Variants in CRIM1 observed in about 807,000 individuals in gnomAD.
CRIM1 encodes the protein cysteine-rich motor neuron 1 protein.
Under a neutral mutation model 116.4 loss-of-function variants are expected in CRIM1, and 32 were observed. The ratio of observed to expected loss-of-function variants is 0.27; its 90% CI spans 0.21 to 0.37. The LOEUF is 0.37. CRIM1 is among the 10% of genes least tolerant of loss of function. CRIM1 has a pLI of 1.00. For synonymous variants in CRIM1, 590 were observed against 509.2 expected (o/e 1.16, Z -2.13); for missense variants, 1,331 against 1,354.8 (o/e 0.98, Z 0.28).
rs1287122530 is a variant in CRIM1, at chr2:36,550,987, AAT to A, written c.*2290_*2291del. ...TCCTGTTGTGCTCTTGTAAAAGAAAAATATAATTTCCTGAAGAATAAAATAGA... is the reference window on the plus strand; with the variant it reads ...TCCTGTTGTGCTCTTGTAAAAGAAAAATAATTTCCTGAAGAATAAAATAGA... On this transcript the variant is annotated 3_prime_UTR_variant, in exon 17 of 17. Transcript: ENST00000280527. 5 of 152,756 alleles carry A rather than the reference AAT, an allele frequency of 3.3e-5. No homozygotes were observed. The East Asian group carries it at 9.6e-4, about 29-fold the overall frequency. 9.5% of individuals were successfully genotyped at this position (152,756 alleles called of 1,614,324 possible). A position where few individuals can be genotyped will look rare whatever the true frequency, so the allele number is the denominator to read the frequency against.
At chr2:36,546,614 C>T (rs550965445) in intron 15 of CRIM1, among the ~76,000 whole-genome samples, 2 of 152,010 alleles carry the variant, frequency 1.3e-5, no homozygotes, top group Admixed American at 6.6e-5. Flanking sequence ...GTTTCTCCTT[C>T]GAAATCTGAG....
rs1472754304 is a variant in CRIM1, at chr2:36,506,173, TCTCTCTCTCACACACACA to T, written c.1502-3808_1502-3791del. Among the ~76,000 whole-genome samples, 3 of 85,812 alleles carry T rather than the reference TCTCTCTCTCACACACACA, an allele frequency of 3.5e-5. No individual in the cohort carries two copies. In the East Asian group the frequency reaches 1.2e-3, roughly 34 times the overall value. 56.3% of individuals were successfully genotyped at this position (85,812 alleles called of 152,430 possible). A position where few individuals can be genotyped will look rare whatever the true frequency, so the allele number is the denominator to read the frequency against. Reference sequence around the variant, plus strand: ...CACACACACACTCTCTCTCTCTCTCTCTCTCTCTCACACACACACACACACACACACACACACACACAC... The same window carrying T: ...CACACACACACTCTCTCTCTCTCTCTCACACACACACACACACACACACAC... On this transcript the variant is annotated intron_variant, in intron 8 of 16. Transcript: ENST00000280527.
At chr2:36,506,325 A>G (rs1681418017) in intron 8 of CRIM1, among the ~76,000 whole-genome samples, 1 of 152,010 alleles carries the variant, frequency 6.6e-6, no homozygotes, top group Non-Finnish European at 1.5e-5. Context: ...CAGTCTCCAC[A>G]CAGAGAGTGG....
At chr2:36,543,770 C>G (rs1301332063) in intron 14 of CRIM1, among the ~76,000 whole-genome samples, 3 of 151,696 alleles carry the variant, frequency 2.0e-5, no homozygotes, top group Non-Finnish European at 2.9e-5. Context: ...TAATACCTAT[C>G]TGATCAAACT....
chr2:36,374,715 C>T (rs1382414906), intron 1 of CRIM1, among the ~76,000 whole-genome samples: 6 of 152,028 alleles, frequency 3.9e-5, no homozygotes, highest in Admixed American at 6.6e-5. Context: ...CCTATGTAGT[C>T]GTAATGGAAT....
At chr2:36,503,720 T>C (rs1196250877) in intron 8 of CRIM1, among the ~76,000 whole-genome samples, 2 of 152,188 alleles carry the variant, frequency 1.3e-5, no homozygotes, top group African/African-American at 2.4e-5. Flanking sequence ...GGTTGTTTTT[T>C]TTCTATTGCA....
In CRIM1 at chr2:36,409,578, C is replaced by T. The variant is rs535138396; in HGVS notation, c.505+12791C>T. Among the ~76,000 whole-genome samples the T allele has an allele frequency of 1.1e-4, 17 of 152,254 alleles. 1 individual carries two copies. In the South Asian group the frequency reaches 3.5e-3, roughly 32 times the overall value. ...CCCTAAGAAGTCTAGTGGGAGAGAT[C>T]ATAGACACAAGGAGTTATAATGAGG... On this transcript the variant is annotated intron_variant, in intron 2 of 16. Transcript: ENST00000280527.
chr2:36,531,966 CGTAGTTGACG>C, intron 13 of CRIM1: 1 of 470,954 alleles, frequency 2.1e-6, no homozygotes, highest in South Asian at 1.5e-5. Context: ...AGGTCCCTGA[CGTAGTTGACG>C]GTGATGGCAG....
At chr2:36,491,634 C>G (rs1680234355) in intron 7 of CRIM1, among the ~76,000 whole-genome samples, 1 of 152,074 alleles carries the variant, frequency 6.6e-6, no homozygotes, top group African/African-American at 2.4e-5. Flanking sequence ...TTCTATAGAC[C>G]AAACTGTACT....
At chr2:36,370,085 A>T (rs1422150104) in intron 1 of CRIM1, among the ~76,000 whole-genome samples, 4 of 152,200 alleles carry the variant, frequency 2.6e-5, no homozygotes, top group African/African-American at 7.2e-5. Context: ...TTGAAAAAAC[A>T]GTTCTAATTA....
chr2:36,451,390 C>G (rs1676711291), intron 4 of CRIM1, among the ~76,000 whole-genome samples: 1 of 152,128 alleles, frequency 6.6e-6, no homozygotes, highest in African/African-American at 2.4e-5. Context: ...TTAAGAAAAA[C>G]CATACAGTAA....
At chr2:36,547,246 A>C in intron 16 of CRIM1, 75 bp downstream of exon 16, 2 of 1,240,634 alleles carry the variant, frequency 1.6e-6, no homozygotes, top group Non-Finnish European at 2.3e-6. Context: ...ATTGCTTGAA[A>C]CCTTGTGTCT....
At position 36,356,235 on chromosome 2, in the gene CRIM1, G is replaced by A; in HGVS notation, c.-58G>A. ...CGGCGCGTGTGCCCCGCGCAGGGGA[G>A]GGCGCCCGCCCCGCTCCCGGCCCGG... On this transcript the variant is annotated 5_prime_UTR_variant, in exon 1 of 17. Coordinates refer to ENST00000280527, the MANE Select transcript of CRIM1 (RefSeq NM_016441.3). The surrounding 1 kb of genome is among the most constrained non-coding windows in gnomAD (Gnocchi z 4.3). 1 of 1,050,100 alleles carries A rather than the reference G, an allele frequency of 9.5e-7. No individual in the cohort carries two copies. Among genetic ancestry groups the A allele is most frequent in the Non-Finnish European group, 1.3e-6 (1 of 787,116 alleles). The allele number at this position is 1,050,100 out of a possible 1,614,324, so 65.0% of individuals were successfully genotyped here. A position where few individuals can be genotyped will look rare whatever the true frequency, so the allele number is the denominator to read the frequency against.
chr2:36,532,799 A>G (rs1365542260), intron 13 of CRIM1, among the ~76,000 whole-genome samples: 1 of 152,196 alleles, frequency 6.6e-6, no homozygotes, highest in Non-Finnish European at 1.5e-5. Context: ...AATTGAAACA[A>G]TACCCTGACC....
In CRIM1 at chr2:36,549,518, C is replaced by G. The variant is rs112262018; in HGVS notation, c.*817C>G. The G allele has an allele frequency of 6.6e-6, 1 of 151,922 alleles. No individual in the cohort carries two copies. Among genetic ancestry groups the G allele is most frequent in the Admixed American group, 6.6e-5 (1 of 15,208 alleles). The allele number at this position is 151,922 out of a possible 1,614,324, so 9.4% of individuals were successfully genotyped here. Reference sequence around the variant, plus strand: ...GACAGGAAGAGGAGGGAGAGGGTGACGAACACCAGGCATTTCCAGGGGCTA... The same window carrying G: ...GACAGGAAGAGGAGGGAGAGGGTGAGGAACACCAGGCATTTCCAGGGGCTA... On this transcript the variant is annotated 3_prime_UTR_variant, in exon 17 of 17. Transcript: ENST00000280527.
At chr2:36,368,650 A>G (rs144339286) in intron 1 of CRIM1, among the ~76,000 whole-genome samples, 165 of 152,312 alleles carry the variant, frequency 1.1e-3, no homozygotes, top group African/African-American at 3.8e-3. Context: ...TTATTCATTA[A>G]TAAGTCTGCT....
At chr2:36,434,314 C>T (rs1273716009) in intron 2 of CRIM1, among the ~76,000 whole-genome samples, 1 of 152,200 alleles carries the variant, frequency 6.6e-6, no homozygotes, top group Non-Finnish European at 1.5e-5. Flanking sequence ...AGACACTGAA[C>T]CTCTTTATCT....
chr2:36,537,211 G>C (rs1666609734), intron 13 of CRIM1, 141 bp from the exon 14 acceptor site: 1 of 785,144 alleles, frequency 1.3e-6, no homozygotes. Context: ...TGAAAGACTA[G>C]GGAAACAAAA....
At chr2:36,377,001 G>A (rs1466596686) in intron 1 of CRIM1, among the ~76,000 whole-genome samples, 3 of 152,150 alleles carry the variant, frequency 2.0e-5, no homozygotes, top group African/African-American at 7.2e-5. Context: ...TCTCTTCATG[G>A]GTTGGTCACT....
Sources: gnomAD v4.1 joint callset for allele counts (sites outside exome capture counted in the v4.1 genomes callset) on GRCh38, gnomAD v4.1.1 for gene constraint, Gnocchi (gnomAD v3.1) non-coding constraint, MANE v1.5 for transcripts, NCBI Gene and HGNC (gene_info 2026-07-23, HGNC 2026-07-21) for gene names.